Variants in ADGRL3 observed in about 807,000 individuals in gnomAD.
ADGRL3 encodes calcium-independent alpha-latrotoxin receptor 3.
In ADGRL3, 62 loss-of-function variants were observed where a neutral mutation model predicts 153.5. The ratio of observed to expected loss-of-function variants is 0.40; its 90% CI spans 0.33 to 0.50. The LOEUF (loss-of-function observed/expected upper bound fraction) is 0.50, where lower values mean the gene tolerates loss of function less well. Among genes scored for constraint, ADGRL3 ranks in the 20% least tolerant of loss-of-function variants. The pLI is 0.47. For synonymous variants in ADGRL3, 710 were observed against 672.5 expected (o/e 1.06, Z -0.86); for missense variants, 1,641 against 1,859.4 (o/e 0.88, Z 2.16).
intron 2 of ADGRL3, among the ~76,000 whole-genome samples, chr4:61,413,380 T>G (rs1436537439): frequency 6.6e-6 from 1 of 152,042 alleles, no homozygotes; most frequent in African/African-American, 2.4e-5. Context: ...TGCTCTTTAC[T>G]GACAACGTGG....
chr4:61,689,245 A>T (rs145017806), intron 6 of ADGRL3, among the ~76,000 whole-genome samples: 1 of 152,078 alleles, frequency 6.6e-6, no homozygotes. Flanking sequence ...CTCCTCATAT[A>T]TAACAAGCCT....
chr4:61,854,974 T>A (rs1278323215), intron 9 of ADGRL3, among the ~76,000 whole-genome samples: 1 of 152,150 alleles, frequency 6.6e-6, no homozygotes, highest in Non-Finnish European at 1.5e-5. Flanking sequence ...CACTCCTCAA[T>A]GTCTTTAAAC....
chr4:61,370,833 T>G (rs2096508944), intron 1 of ADGRL3, among the ~76,000 whole-genome samples: 1 of 152,176 alleles, frequency 6.6e-6, no homozygotes, highest in Admixed American at 6.5e-5. Flanking sequence ...AGTGGGATGT[T>G]AAAGTCTCCC....
chr4:61,379,605 T>C (rs1007312330), intron 1 of ADGRL3, among the ~76,000 whole-genome samples: 1 of 152,050 alleles, frequency 6.6e-6, no homozygotes, highest in African/African-American at 2.4e-5. Context: ...TAAAAACATG[T>C]TTGTTCATGT....
At chr4:61,805,801 T>A (rs1381071059) in intron 8 of ADGRL3, among the ~76,000 whole-genome samples, 6 of 152,148 alleles carry the variant, frequency 3.9e-5, no homozygotes, top group Admixed American at 3.9e-4. Context: ...ATAGGGATAT[T>A]GGGTTAAAAT....
chr4:61,368,913 G>A (rs1159802763), intron 1 of ADGRL3, among the ~76,000 whole-genome samples: 3 of 152,108 alleles, frequency 2.0e-5, no homozygotes, highest in African/African-American at 4.8e-5. Context: ...CTTGAACAGC[G>A]ATTTGTAGTT....
chr4:62,051,618 A>G (rs1734257931), intron 25 of ADGRL3, among the ~76,000 whole-genome samples: 1 of 151,750 alleles, frequency 6.6e-6, no homozygotes, highest in Non-Finnish European at 1.5e-5. Flanking sequence ...AGCCAACTAA[A>G]CAATAATAAA....
chr4:61,296,697 A>G (rs1468953522), intron 1 of ADGRL3, among the ~76,000 whole-genome samples: 1 of 152,170 alleles, frequency 6.6e-6, no homozygotes, highest in Non-Finnish European at 1.5e-5. Context: ...TTCATTTGGA[A>G]ATGAAGACTC....
At chr4:61,237,466 T>C (rs1299131347) in intron 1 of ADGRL3, among the ~76,000 whole-genome samples, 8 of 152,078 alleles carry the variant, frequency 5.3e-5, no homozygotes, top group African/African-American at 1.7e-4. Flanking sequence ...ACAGAAGAGA[T>C]CATCACAAAC....
chr4:61,721,750 C>T (rs2096247481), intron 6 of ADGRL3, among the ~76,000 whole-genome samples: 1 of 152,200 alleles, frequency 6.6e-6, no homozygotes, highest in Admixed American at 6.5e-5. Context: ...CCTCCCATCA[C>T]TCCCCTTTTG....
intron 4 of ADGRL3, among the ~76,000 whole-genome samples, chr4:61,532,472 G>A (rs957933432): frequency 4.6e-5 from 7 of 151,952 alleles, no homozygotes; most frequent in African/African-American, 1.4e-4. Context: ...CCAGGGGTCA[G>A]AGTGAGAAAT....
At chr4:61,817,594 G>T (rs1388335556) in intron 9 of ADGRL3, among the ~76,000 whole-genome samples, 1 of 152,146 alleles carries the variant, frequency 6.6e-6, no homozygotes, top group African/African-American at 2.4e-5. Context: ...CCTCAATGAA[G>T]CTCCTGTCCA....
At chr4:61,718,568 A>T (rs533166041) in intron 6 of ADGRL3, among the ~76,000 whole-genome samples, 113 of 152,306 alleles carry the variant, frequency 7.4e-4, no homozygotes, top group South Asian at 1.9e-3. Context: ...ACTAAGATTT[A>T]TATAGTACTT....
intron 2 of ADGRL3, among the ~76,000 whole-genome samples, chr4:61,462,221 G>A (rs1284090789): frequency 6.6e-6 from 1 of 152,052 alleles, no homozygotes; most frequent in Admixed American, 6.6e-5. Context: ...GAGATTTCAG[G>A]GGAGCCAGAA....
chr4:61,499,436 T>C (rs2098358978), intron 3 of ADGRL3, among the ~76,000 whole-genome samples: 1 of 152,224 alleles, frequency 6.6e-6, no homozygotes, highest in Non-Finnish European at 1.5e-5. Context: ...AAAATAATTA[T>C]GTTACTTGAG....
chr4:61,212,812 A>G lies in ADGRL3; in HGVS notation c.-240+11047A>G, dbSNP rs371994583. Among the ~76,000 whole-genome samples the G allele has an allele frequency of 5.3e-5, 8 of 152,326 alleles. No individual in the cohort carries two copies. In the East Asian group the frequency reaches 1.3e-3, roughly 26 times the overall value. ...TTACTATTGCAAATCCTCAAAGAAG[A>G]AGGAACACTAAAAATTAGTATGCTG... On this transcript the variant is annotated intron_variant, in intron 1 of 26. Coordinates refer to ENST00000683033, the MANE Select transcript of ADGRL3 (RefSeq NM_001387552.1).
At position 61,523,006 on chromosome 4, in the gene ADGRL3, C is replaced by T. The variant is rs550097784; in HGVS notation, c.259+5488C>T. ...CACTCATCCATAGCCTTATTCCTGA[C>T]AGAACAATTTCTATTCTCCTGATTT... On this transcript the variant is annotated intron_variant, in intron 4 of 26. Transcript: ENST00000683033. Among the ~76,000 whole-genome samples, 27 of 152,048 alleles carry T rather than the reference C, an allele frequency of 1.8e-4. No individual in the cohort carries two copies. In the South Asian group the frequency reaches 5.2e-3, roughly 29 times the overall value.
chr4:61,848,693 A>C (rs540414901), intron 9 of ADGRL3, among the ~76,000 whole-genome samples: 9 of 152,166 alleles, frequency 5.9e-5, no homozygotes, highest in Non-Finnish European at 1.2e-4. Context: ...TTCTGGTAAT[A>C]AGACAATAAT....
chr4:61,951,156 G>A, intron 17 of ADGRL3, among the ~76,000 whole-genome samples: 1 of 152,174 alleles, frequency 6.6e-6, no homozygotes, highest in East Asian at 1.9e-4. Flanking sequence ...CAGAGTACGA[G>A]TCTCAATATC....
Sources: gnomAD v4.1 joint callset for allele counts (sites outside exome capture counted in the v4.1 genomes callset) on GRCh38, gnomAD v4.1.1 for gene constraint, MANE v1.5 for transcripts, NCBI Gene and HGNC (gene_info 2026-07-23, HGNC 2026-07-21) for gene names.